Variants in WIPI2 observed in about 807,000 individuals in gnomAD.
WIPI2 encodes WD repeat domain, phosphoinositide interacting 2.
WIPI2 carries 28 observed loss-of-function variants against 52.3 expected under a neutral mutation model. That is an observed-to-expected ratio of 0.54 (90% confidence interval 0.40 to 0.73). WIPI2 has a LOEUF of 0.73. Ranked by LOEUF, WIPI2 falls within the 30% of genes least tolerant of loss-of-function variation. The probability of loss-of-function intolerance (pLI) is 0.00; values close to 1 mark genes in which losing one functional copy is unlikely to be tolerated. For synonymous variants in WIPI2, 268 were observed against 245.0 expected, an observed-to-expected ratio of 1.09 and a Z score of -0.88; for missense variants, 506 against 602.9, an observed-to-expected ratio of 0.84 and a Z score of 1.68.
Position 5,227,125 on chromosome 7 carries a change from G to A in WIPI2, c.849-55G>A. 6.2e-7 allele frequency: 1 copy of A among 1,604,142 alleles called. No individual in the cohort carries two copies. Among genetic ancestry groups the A allele is most frequent in the Non-Finnish European group, 8.5e-7 (1 of 1,174,764 alleles). ...CTGTGCGTCTGTGTGAGTAGGGGGT[G>A]GCCGTCCCCCCAGGGAGGGTGCAGC... is the stretch of plus-strand genomic sequence containing the variant. On this transcript the variant is annotated intron_variant, in intron 9 of 12. Coordinates refer to ENST00000288828, the MANE Select transcript of WIPI2 (RefSeq NM_015610.4). This position sits in a 1 kb window ranked among gnomAD's most constrained non-coding sequence, Gnocchi z 8.1.
In WIPI2 at chr7:5,232,443, C is replaced by T. The variant is rs545469779; in HGVS notation, c.*1496C>T. 74 of 397,590 alleles carry T rather than the reference C, an allele frequency of 1.9e-4. No homozygotes were observed. Among genetic ancestry groups the T allele is most frequent in the Admixed American group, 5.7e-4 (13 of 22,728 alleles). 24.6% of individuals were successfully genotyped at this position (397,590 alleles called of 1,614,324 possible). A position where few individuals can be genotyped will look rare whatever the true frequency, so the allele number is the denominator to read the frequency against. On this transcript the variant is annotated 3_prime_UTR_variant, in exon 13 of 13. Transcript: ENST00000288828. The stretch of plus-strand genomic sequence containing the variant: ...CGGCTTCCTCCCAGCCGCTGGTGTG[C>T]GGCACACACAACATCTGCATTAGGC...
At position 5,227,410 on chromosome 7, in the gene WIPI2, G is replaced by T; in HGVS notation, c.1013+66G>T. On this transcript the variant is annotated intron_variant, in intron 10 of 12. Transcript: ENST00000288828. This position sits in a 1 kb window ranked among gnomAD's most constrained non-coding sequence, Gnocchi z 8.1. ...TCAGGCCGAGGGGCCCAGTCCTGGC[G>T]GCTTGTGGCCCCTTCCGTGCTTCTG... 3 of 1,574,832 alleles carry T rather than the reference G, an allele frequency of 1.9e-6. No homozygotes were observed. Among genetic ancestry groups the T allele is most frequent in the East Asian group, 4.5e-5 (2 of 44,370 alleles).
intron 3 of WIPI2, among the ~76,000 whole-genome samples, chr7:5,208,749 T>C (rs888861509): frequency 2.0e-5 from 3 of 152,204 alleles, no homozygotes; most frequent in African/African-American, 4.8e-5. Flanking sequence ...CTGGACTCTT[T>C]AGTCTCTTCT....
chr7:5,220,589 T>C (rs1783069932), intron 7 of WIPI2, among the ~76,000 whole-genome samples: 1 of 152,018 alleles, frequency 6.6e-6, no homozygotes, highest in Non-Finnish European at 1.5e-5. Flanking sequence ...TGATCATGGC[T>C]CACTGCAGCT....
chr7:5,217,556 T>A, intron 6 of WIPI2: 2 of 397,214 alleles, frequency 5.0e-6, no homozygotes, highest in Non-Finnish European at 9.5e-6. Flanking sequence ...CTCGGCCCCC[T>A]AAAGTGCTGG....
At chr7:5,220,498 C>G (rs1783064971) in intron 7 of WIPI2, among the ~76,000 whole-genome samples, 1 of 152,136 alleles carries the variant, frequency 6.6e-6, no homozygotes, top group Admixed American at 6.5e-5. Context: ...CTTGGCCTCC[C>G]AAAGTGCTGG....
intron 3 of WIPI2, among the ~76,000 whole-genome samples, chr7:5,205,213 T>G (rs1251322790): frequency 6.6e-6 from 1 of 152,092 alleles, no homozygotes; most frequent in African/African-American, 2.4e-5. Context: ...TGACCTCAGG[T>G]TATCCATCCG....
Position 5,217,878 on chromosome 7 carries a change from G to A in WIPI2, c.577-44G>A, listed in dbSNP as rs147209987. On this transcript the variant is annotated intron_variant, in intron 6 of 12. Coordinates refer to ENST00000288828, the MANE Select transcript of WIPI2 (RefSeq NM_015610.4). ...CAAGTGTCAGCCCTGGGGCGTGGGC[G>A]GTCACTGTGCGGTGGCCACTCTTTA... 3.2e-4 allele frequency: 505 copies of A among 1,599,040 alleles called. 3 individuals are homozygous for A. In the East Asian group the frequency reaches 8.0e-3, roughly 25 times the overall value.
Position 5,191,383 on chromosome 7 carries a change from A to G in WIPI2, c.74+890A>G, listed in dbSNP as rs6971580. On this transcript the variant is annotated intron_variant, in intron 1 of 12. Coordinates refer to ENST00000288828, the MANE Select transcript of WIPI2 (RefSeq NM_015610.4). ...TCTCCAGCAAGTAACAAACTTAGCA[A>G]TAACCTTGGCATCTGACCTAGCTAG... 1.2e-3 allele frequency among the ~76,000 whole-genome samples: 177 copies of G among 152,320 alleles called. 1 individual carries two copies. The highest frequency in any genetic ancestry group is 3.9e-3 in the African/African-American group (163 of 41,578).
chr7:5,194,268 C>T (rs1451666445), intron 2 of WIPI2, among the ~76,000 whole-genome samples: 1 of 152,188 alleles, frequency 6.6e-6, no homozygotes, highest in African/African-American at 2.4e-5. Flanking sequence ...GCACCAGGGC[C>T]TCCCAGGTCT....
intron 2 of WIPI2, among the ~76,000 whole-genome samples, chr7:5,194,191 T>C (rs1296656815): frequency 6.6e-6 from 1 of 151,124 alleles, no homozygotes. Context: ...GCCACAGGGA[T>C]ATGGAGGTGG....
rs540891027 is a variant in WIPI2, at chr7:5,201,016, G to A, written c.211+1358G>A. On this transcript the variant is annotated intron_variant, in intron 3 of 12. Transcript: ENST00000288828. ...TCCAAAAAAGCCTTTCTTCTGCCAC[G>A]GAGGCTGGGAGATGTGATCTGGGCG... Among the ~76,000 whole-genome samples, 14 of 152,306 alleles carry A rather than the reference G, an allele frequency of 9.2e-5. No individual in the cohort carries two copies. In the South Asian group the frequency reaches 1.5e-3, roughly 16 times the overall value.
chr7:5,229,885 G>A (rs987330804), intron 12 of WIPI2, 147 bp downstream of exon 12: 8 of 1,191,754 alleles, frequency 6.7e-6, no homozygotes, highest in South Asian at 1.6e-5. Context: ...TTGGTAAATG[G>A]GTGTTCCCAA....
In WIPI2 at chr7:5,192,381, C is replaced by G. The variant is rs147665272; in HGVS notation, c.75-737C>G. ...AGAGTTTCCAAAACATTGTCGGCCA[C>G]TCTTTCAGTTTTTCACTAATTATTT... On this transcript the variant is annotated intron_variant, in intron 1 of 12. Transcript: ENST00000288828. Among the ~76,000 whole-genome samples, 646 of 152,272 alleles carry G rather than the reference C, an allele frequency of 4.2e-3. 14 individuals are homozygous for G. Among genetic ancestry groups the G allele is most frequent in the East Asian group, 2.7e-3 (14 of 5,184 alleles).
At chr7:5,222,404 G>A (rs2115301270) in intron 7 of WIPI2, among the ~76,000 whole-genome samples, 198 bp from the exon 8 acceptor site, 1 of 152,308 alleles carries the variant, frequency 6.6e-6, no homozygotes, top group African/African-American at 2.4e-5. Context: ...TAGAACAGGG[G>A]AGTGTTTTTC....
At chr7:5,222,530 G>A in intron 7 of WIPI2, 72 bp from the exon 8 acceptor site, 2 of 1,484,846 alleles carry the variant, frequency 1.3e-6, no homozygotes, top group Admixed American at 1.7e-5. Flanking sequence ...CGCATTTGCA[G>A]TCTGCTGTGA....
At chr7:5,203,406 C>T (rs970745289) in intron 3 of WIPI2, among the ~76,000 whole-genome samples, 2 of 152,188 alleles carry the variant, frequency 1.3e-5, no homozygotes, top group African/African-American at 4.8e-5. Flanking sequence ...TCTTCCCTTC[C>T]CACTCCAGAG....
rs557941224 is a variant in WIPI2 at position 5,231,605 on chromosome 7, T to C, written c.*658T>C. 2 of 152,482 alleles carry C rather than the reference T, an allele frequency of 1.3e-5. No individual in the cohort carries two copies. The highest frequency in any genetic ancestry group is 3.8e-4 in the East Asian group (2 of 5,196). The allele number at this position is 152,482 out of a possible 1,614,324, so 9.4% of individuals were successfully genotyped here. ...TGGATATTGGAGGACAGCGAGGTTCTTTCTGATACTAAAAACCTTTCTTTC... is the reference window on the plus strand; with the variant it reads ...TGGATATTGGAGGACAGCGAGGTTCCTTCTGATACTAAAAACCTTTCTTTC... On this transcript the variant is annotated 3_prime_UTR_variant, in exon 13 of 13. Coordinates refer to ENST00000288828, the MANE Select transcript of WIPI2 (RefSeq NM_015610.4).
intron 3 of WIPI2, among the ~76,000 whole-genome samples, chr7:5,209,116 C>G (rs1782435254): frequency 6.9e-6 from 1 of 144,608 alleles, no homozygotes. Context: ...AATTATTTCA[C>G]TGAGTTTTCC....
Sources: gnomAD v4.1 joint callset for allele counts (sites outside exome capture counted in the v4.1 genomes callset) on GRCh38, gnomAD v4.1.1 for gene constraint, Gnocchi (gnomAD v3.1) non-coding constraint, MANE v1.5 for transcripts, NCBI Gene and HGNC (gene_info 2026-07-23, HGNC 2026-07-21) for gene names.